Variants in GRIK3 observed in about 807,000 individuals in gnomAD.
GRIK3 encodes the protein glutamate receptor ionotropic, kainate 3.
In GRIK3, 29 loss-of-function variants were observed where a neutral mutation model predicts 102.5. That is an observed-to-expected ratio of 0.28 (90% CI 0.21 to 0.39). The LOEUF is 0.39. Among genes scored for constraint, GRIK3 ranks in the 10% least tolerant of loss-of-function variants. GRIK3 has a pLI of 1.00. For missense variants in GRIK3, 908 were observed against 1,252.4 expected, an observed-to-expected ratio of 0.73 and a Z score of 4.15; for synonymous variants, 511 against 504.9, an observed-to-expected ratio of 1.01 and a Z score of -0.16.
intron 1 of GRIK3, among the ~76,000 whole-genome samples, chr1:36,943,214 G>T (rs929473720): frequency 1.3e-5 from 2 of 151,638 alleles, no homozygotes; most frequent in Non-Finnish European, 2.9e-5. Flanking sequence ...CAGGAGATGA[G>T]GGTGGTTGTT....
chr1:36,987,317 T>A (rs1404729678), intron 1 of GRIK3, among the ~76,000 whole-genome samples: 1 of 152,094 alleles, frequency 6.6e-6, no homozygotes, highest in Non-Finnish European at 1.5e-5. Flanking sequence ...CCATGTCTGC[T>A]CAGCAGAGCT....
intron 5 of GRIK3, among the ~76,000 whole-genome samples, chr1:36,866,877 G>C (rs1640790563): frequency 6.6e-6 from 1 of 152,176 alleles, no homozygotes; most frequent in Non-Finnish European, 1.5e-5. Flanking sequence ...CCATCCATCT[G>C]TCCATCCATC....
At chr1:36,935,914 C>T (rs1298827587) in intron 1 of GRIK3, among the ~76,000 whole-genome samples, 2 of 152,180 alleles carry the variant, frequency 1.3e-5, no homozygotes, top group Non-Finnish European at 2.9e-5. Context: ...CCCCGACTCC[C>T]TCAGATTGCT....
intron 1 of GRIK3, among the ~76,000 whole-genome samples, chr1:37,030,546 C>T (rs1475580189): frequency 1.7e-5 from 2 of 114,484 alleles, no homozygotes; most frequent in Non-Finnish European, 3.4e-5. Context: ...CCCCCCACCC[C>T]CTCCCCCCCC....
chr1:36,936,766 C>T (rs1015040775), intron 1 of GRIK3, among the ~76,000 whole-genome samples: 1 of 151,944 alleles, frequency 6.6e-6, no homozygotes, highest in Non-Finnish European at 1.5e-5. Context: ...ATGCTAGGGG[C>T]TGTTAAGTGA....
At chr1:36,981,932 G>A (rs1175037980) in intron 1 of GRIK3, among the ~76,000 whole-genome samples, 5 of 152,216 alleles carry the variant, frequency 3.3e-5, no homozygotes, top group East Asian at 1.9e-4. Flanking sequence ...TCATGTGTGC[G>A]TCTCAGAGCA....
At chr1:36,820,924 G>A (rs1006259633) in intron 11 of GRIK3, among the ~76,000 whole-genome samples, 1 of 152,172 alleles carries the variant, frequency 6.6e-6, no homozygotes, top group East Asian at 1.9e-4. Context: ...TTGAGGATAT[G>A]TATGTTTAAA....
At chr1:36,962,134 T>C (rs1438830709) in intron 1 of GRIK3, among the ~76,000 whole-genome samples, 2 of 152,128 alleles carry the variant, frequency 1.3e-5, no homozygotes, top group East Asian at 3.9e-4. Flanking sequence ...GCACAGACAA[T>C]TCCAGACATC....
chr1:36,921,716 C>T (rs1382622274), intron 1 of GRIK3, among the ~76,000 whole-genome samples: 1 of 151,382 alleles, frequency 6.6e-6, no homozygotes, highest in Admixed American at 6.6e-5. Flanking sequence ...CATTTTTTTT[C>T]TTTCTTAGGG....
At chr1:36,936,008 T>C (rs770346385) in intron 1 of GRIK3, among the ~76,000 whole-genome samples, 5 of 152,070 alleles carry the variant, frequency 3.3e-5, no homozygotes, top group Non-Finnish European at 7.4e-5. Flanking sequence ...GATACTCAAG[T>C]CTCAGGGAAA....
At chr1:36,868,163 C>T (rs549622945) in intron 5 of GRIK3, among the ~76,000 whole-genome samples, 1 of 146,660 alleles carries the variant, frequency 6.8e-6, no homozygotes, top group East Asian at 2.6e-4. Flanking sequence ...AGTTGTGGAC[C>T]CCTGGAATGT....
At chr1:36,852,752 A>G (rs1640599682) in intron 8 of GRIK3, among the ~76,000 whole-genome samples, 1 of 152,076 alleles carries the variant, frequency 6.6e-6, no homozygotes, top group East Asian at 1.9e-4. Flanking sequence ...TGCTCACTAC[A>G]TTTCATACAC....
chr1:36,926,714 C>A (rs974358450), intron 1 of GRIK3, among the ~76,000 whole-genome samples: 6 of 152,134 alleles, frequency 3.9e-5, no homozygotes, highest in African/African-American at 1.4e-4. Flanking sequence ...TAAGCAGGAT[C>A]TCCCAGGACT....
intron 1 of GRIK3, among the ~76,000 whole-genome samples, chr1:36,999,659 GAGCCCGCTCCTACAGAA>G (rs1642454486): frequency 3.9e-5 from 6 of 152,066 alleles, no homozygotes; most frequent in Admixed American, 3.3e-4. Flanking sequence ...AGGGAACACT[GAGCCCGCTCCTACAGAA>G]AGCACCTGCA....
At chr1:36,892,285 A>C (rs1048709758) in intron 1 of GRIK3, among the ~76,000 whole-genome samples, 3 of 152,176 alleles carry the variant, frequency 2.0e-5, no homozygotes, top group Non-Finnish European at 4.4e-5. Context: ...TGCCTCCCAA[A>C]GTGCTGGGAT....
At chr1:36,946,301 G>A (rs1379796703) in intron 1 of GRIK3, among the ~76,000 whole-genome samples, 4 of 152,238 alleles carry the variant, frequency 2.6e-5, no homozygotes, top group African/African-American at 7.2e-5. Flanking sequence ...AGCACAGGTC[G>A]TGCAGTGCAG....
intron 1 of GRIK3, among the ~76,000 whole-genome samples, chr1:36,965,659 C>A (rs2124352663): frequency 6.6e-6 from 1 of 152,290 alleles, no homozygotes; most frequent in Non-Finnish European, 1.5e-5. Flanking sequence ...GGCCTCCAGA[C>A]TTGCTGAGAT....
chr1:36,910,953 T>G (rs1557722289), intron 1 of GRIK3, among the ~76,000 whole-genome samples: 1 of 152,170 alleles, frequency 6.6e-6, no homozygotes, highest in Non-Finnish European at 1.5e-5. Context: ...AACCACGGAC[T>G]AAACACTGGG....
intron 10 of GRIK3, 113 bp downstream of exon 10, chr1:36,841,623 A>T: frequency 2.3e-6 from 2 of 861,960 alleles, no homozygotes; most frequent in Non-Finnish European, 3.8e-6. Context: ...CATCTCCATC[A>T]CTCCTGTCCC....
Sources: gnomAD v4.1 joint callset for allele counts (sites outside exome capture counted in the v4.1 genomes callset) on GRCh38, gnomAD v4.1.1 for gene constraint, MANE v1.5 for transcripts, NCBI Gene and HGNC (gene_info 2026-07-23, HGNC 2026-07-21) for gene names.